TIMMDC1: variants seen among roughly 807,000 people sequenced by gnomAD.
The protein encoded by TIMMDC1 is translocase of inner mitochondrial membrane domain containing 1, also known as complex I assembly factor TIMMDC1, mitochondrial.
TIMMDC1 carries 25 observed loss-of-function variants against 32.6 expected under a neutral mutation model. The ratio of observed to expected loss-of-function variants is 0.77; its 90% confidence interval spans 0.56 to 1.07. The LOEUF is 1.07. Among genes scored for constraint, TIMMDC1 ranks in the 50% least tolerant of loss-of-function variants. TIMMDC1 has a pLI of 0.00. For synonymous variants in TIMMDC1, 130 were observed against 127.6 expected (o/e 1.02, Z -0.13); for missense variants, 329 against 349.2 (o/e 0.94, Z 0.46).
In TIMMDC1 at chr3:119,498,713, T is replaced by C. The variant is rs749005655; in HGVS notation, c.-21T>C. 11 of 1,612,676 alleles carry C rather than the reference T, an allele frequency of 6.8e-6. No homozygotes were observed. The highest frequency in any genetic ancestry group is 1.7e-6 in the Non-Finnish European group (2 of 1,179,288). On this transcript the variant is annotated 5_prime_UTR_variant, in exon 1 of 7. Coordinates refer to ENST00000494664, the MANE Select transcript of TIMMDC1 (RefSeq NM_016589.4). ...TTGAAGTCCTGAGCGCTCAAGTTTGTCCGTAGGTCGAGAGAAGGCCATGGA... is the reference window on the plus strand; with the variant it reads ...TTGAAGTCCTGAGCGCTCAAGTTTGCCCGTAGGTCGAGAGAAGGCCATGGA...
intron 6 of TIMMDC1, among the ~76,000 whole-genome samples, chr3:119,521,036 C>G (rs1000134773): frequency 6.6e-6 from 1 of 152,106 alleles, no homozygotes; most frequent in African/African-American, 2.4e-5. Context: ...ATTGAACACC[C>G]CTTCATGGTA....
chr3:119,512,701 T>A (rs1461987606), intron 4 of TIMMDC1, among the ~76,000 whole-genome samples: 3 of 152,218 alleles, frequency 2.0e-5, no homozygotes, highest in Admixed American at 6.5e-5. Flanking sequence ...TTGAAAATTT[T>A]AAAAATGAAT....
chr3:119,514,297 C>T (rs2081972259), intron 5 of TIMMDC1, among the ~76,000 whole-genome samples: 1 of 152,160 alleles, frequency 6.6e-6, no homozygotes, highest in Non-Finnish European at 1.5e-5. Context: ...TTTTCCATAT[C>T]TATGTATATG....
At position 119,525,008 on chromosome 3, in the gene TIMMDC1, T is replaced by A. The variant is rs1599795; in HGVS notation, c.*1252T>A. 0.15 allele frequency: 23,437 copies of A among 152,210 alleles called. 2,345 individuals carry two copies. Among genetic ancestry groups the A allele is most frequent in the East Asian group, 0.28 (1,430 of 5,178 alleles). 9.4% of individuals were successfully genotyped at this position (152,210 alleles called of 1,614,324 possible). ...AGCATAAAGCCATTTAAAGAGATTA[T>A]CAGTCCAATATGAACCAGTTAAGTC... On this transcript the variant is annotated 3_prime_UTR_variant, in exon 7 of 7. Transcript: ENST00000494664.
chr3:119,508,925 G>T (rs777068146), intron 4 of TIMMDC1, among the ~76,000 whole-genome samples: 7 of 152,214 alleles, frequency 4.6e-5, no homozygotes, highest in Non-Finnish European at 7.3e-5. Context: ...CCATTGGAAG[G>T]CCAGGTGTGG....
intron 2 of TIMMDC1, among the ~76,000 whole-genome samples, chr3:119,502,216 T>C (rs1468223511): frequency 6.6e-6 from 1 of 152,044 alleles, no homozygotes; most frequent in Admixed American, 6.5e-5. Flanking sequence ...TTTTATTTTT[T>C]TAAAAATTAT....
intron 4 of TIMMDC1, among the ~76,000 whole-genome samples, chr3:119,511,474 C>T (rs2081952037): frequency 6.8e-6 from 1 of 146,122 alleles, no homozygotes; most frequent in East Asian, 2.0e-4. Flanking sequence ...GAGACTCCAT[C>T]TTAAAAAAAA....
At chr3:119,519,248 A>G (rs1404528752) in intron 6 of TIMMDC1, among the ~76,000 whole-genome samples, 2 of 152,218 alleles carry the variant, frequency 1.3e-5, no homozygotes, top group Non-Finnish European at 2.9e-5. Context: ...GTAAATCCAC[A>G]CCTATCAATA....
In TIMMDC1 at chr3:119,506,263, G is replaced by A. The variant is rs542632267; in HGVS notation, c.517+2242G>A. ...AACCAGGCCAGGCACAGTGGCTCAC[G>A]CCTGTAACCAGCACTTTGGGAGGCC... is the stretch of plus-strand genomic sequence containing the variant. On this transcript the variant is annotated intron_variant, in intron 4 of 6. Coordinates refer to ENST00000494664, the MANE Select transcript of TIMMDC1 (RefSeq NM_016589.4). Among the ~76,000 whole-genome samples the A allele has an allele frequency of 3.9e-5, 6 of 152,212 alleles. No homozygotes were observed. In the East Asian group the frequency reaches 9.7e-4, roughly 25 times the overall value.
chr3:119,511,691 G>T (rs971398834), intron 4 of TIMMDC1, among the ~76,000 whole-genome samples: 2 of 152,136 alleles, frequency 1.3e-5, no homozygotes, highest in African/African-American at 4.8e-5. Flanking sequence ...AATAGTATGT[G>T]CAGGTAATGG....
chr3:119,498,629 C>T lies in TIMMDC1; in HGVS notation c.-105C>T, dbSNP rs1331709688. On this transcript the variant is annotated 5_prime_UTR_variant, in exon 1 of 7. Coordinates refer to ENST00000494664, the MANE Select transcript of TIMMDC1 (RefSeq NM_016589.4). Reference sequence around the variant, plus strand: ...CCTCTGGCAGAGGGTTAACCTGGGTCAAATGCACGGATTCTCACCTCGTAC... The same window carrying T: ...CCTCTGGCAGAGGGTTAACCTGGGTTAAATGCACGGATTCTCACCTCGTAC... 1.5e-5 allele frequency: 17 copies of T among 1,170,804 alleles called. No homozygotes were observed. The highest frequency in any genetic ancestry group is 1.8e-5 in the Non-Finnish European group (15 of 812,898). The allele number at this position is 1,170,804 out of a possible 1,614,324, so 72.5% of individuals were successfully genotyped here.
At chr3:119,504,056 C>T (rs1296194934) in intron 4 of TIMMDC1, 35 bp downstream of exon 4, 12 of 1,505,538 alleles carry the variant, frequency 8.0e-6, no homozygotes, top group Non-Finnish European at 1.1e-5. Context: ...TCAGTCTTCT[C>T]AAATACAGTT....
chr3:119,506,241 C>T (rs1487690709), intron 4 of TIMMDC1, among the ~76,000 whole-genome samples: 2 of 152,152 alleles, frequency 1.3e-5, no homozygotes, highest in Non-Finnish European at 2.9e-5. Flanking sequence ...ATGTGAAAAC[C>T]AGGCCAGGCA....
intron 5 of TIMMDC1, among the ~76,000 whole-genome samples, chr3:119,515,171 T>C (rs1577100898): frequency 6.7e-6 from 1 of 148,152 alleles, no homozygotes; most frequent in East Asian, 2.0e-4. Context: ...ATCGCACCAT[T>C]GCACTCCAGC....
intron 1 of TIMMDC1, among the ~76,000 whole-genome samples, chr3:119,499,562 T>G (rs2107725427): frequency 6.6e-6 from 1 of 152,052 alleles, no homozygotes; most frequent in South Asian, 2.1e-4. Flanking sequence ...GGATTACAGT[T>G]GCCCACTACC....
intron 4 of TIMMDC1, among the ~76,000 whole-genome samples, chr3:119,505,394 G>C (rs1471688005): frequency 6.7e-6 from 1 of 149,012 alleles, no homozygotes; most frequent in Non-Finnish European, 1.5e-5. Context: ...ATGGAGTTTT[G>C]CTCTTGTTGC....
rs764788304 is a variant in TIMMDC1 at position 119,517,316 on chromosome 3, G to C, written c.707+1G>C. The C allele has an allele frequency of 6.2e-7, 1 of 1,600,896 alleles. No individual in the cohort carries two copies. The highest frequency in any genetic ancestry group is 1.3e-5 in the African/African-American group (1 of 74,752). ...TCCATGAGCTAAAACTGGAAGAGTG[G>C]TAAGGAACATGTTGAGCCCAGGGAA... On this transcript the variant is annotated splice_donor_variant, in intron 6 of 6. Transcript: ENST00000494664. LOFTEE classifies it high-confidence loss of function.
At chr3:119,506,696 CTAG>C (rs748093138) in intron 4 of TIMMDC1, among the ~76,000 whole-genome samples, 90 of 152,110 alleles carry the variant, frequency 5.9e-4, no homozygotes, top group Non-Finnish European at 1.1e-3. Flanking sequence ...TACCTGTAAC[CTAG>C]TTACATTTTT....
At position 119,517,224 on chromosome 3, in the gene TIMMDC1, C is replaced by A. The variant is rs1412463293; in HGVS notation, c.616C>A (p.Leu206Met). The change falls in exon 6 of 7, where the codon CTG (leucine) becomes ATG (methionine). Residue 206 changes from leucine to methionine, a missense_variant. Transcript: ENST00000494664. ...TCTCAGCACTCCTGTAGGAGGCCTG[C>A]TGATGGCATTTCAGAAGTACTCTGG... ...ALLGTPVGGL[L>M]MAFQKYSGET... The A allele has an allele frequency of 1.2e-6, 2 of 1,613,222 alleles. No homozygotes were observed. Among genetic ancestry groups the A allele is most frequent in the East Asian group, 4.5e-5 (2 of 44,854 alleles).
Sources: gnomAD v4.1 joint callset for allele counts (sites outside exome capture counted in the v4.1 genomes callset) on GRCh38, gnomAD v4.1.1 for gene constraint, MANE v1.5 for transcripts, NCBI Gene and HGNC (gene_info 2026-07-23, HGNC 2026-07-21) for gene names.